Variants in HECTD2 observed in about 807,000 individuals in gnomAD.
The protein encoded by HECTD2 is HECT domain E3 ubiquitin protein ligase 2.
HECTD2 carries 35 observed loss-of-function variants against 103.2 expected under a neutral mutation model. That is an observed-to-expected ratio of 0.34 (90% CI 0.26 to 0.45). The LOEUF (loss-of-function observed/expected upper bound fraction) is 0.45. Ranked by LOEUF, HECTD2 falls within the 20% of genes least tolerant of loss-of-function variation. HECTD2 has a pLI of 1.00. For missense variants in HECTD2, 596 were observed against 937.4 expected (o/e 0.64, Z 4.76); for synonymous variants, 281 against 329.9 (o/e 0.85, Z 1.61).
intron 2 of HECTD2, among the ~76,000 whole-genome samples, chr10:91,459,544 A>G (rs1044541935): frequency 6.6e-6 from 1 of 152,222 alleles, no homozygotes; most frequent in East Asian, 1.9e-4. Flanking sequence ...CCAGAAAATT[A>G]TGCTAACTAA....
At chr10:91,455,369 TC>T (rs1409076144) in intron 2 of HECTD2, among the ~76,000 whole-genome samples, 2 of 152,224 alleles carry the variant, frequency 1.3e-5, no homozygotes, top group Non-Finnish European at 2.9e-5. Context: ...ATAAATGTCT[TC>T]TTTTGAGAAG....
intron 18 of HECTD2, among the ~76,000 whole-genome samples, chr10:91,499,764 A>C (rs1164240723): frequency 6.6e-6 from 1 of 152,130 alleles, no homozygotes; most frequent in African/African-American, 2.4e-5. Context: ...CCTTAGTTTC[A>C]TTATGAGGGA....
chr10:91,460,558 G>A lies in HECTD2; in HGVS notation c.400G>A (p.Asp134Asn). ...TCCTATCCAGCCCAAAACTGTGAAA[G>A]ACTTTCAGTAAGTTTCAGCTATTAT... ...ILPIQPKTVK[D>N]FQEDVEKVKS... Residue 134 changes from aspartate to asparagine, a missense_variant, in exon 3 of 21, where the codon GAC (aspartate) becomes AAC (asparagine). Asp to Asn is a conservative substitution (Grantham distance 23). This residue lies in a region of HECTD2 where 220 missense variants were observed against 233.9 expected (regional missense o/e 0.94). Coordinates refer to ENST00000298068, the MANE Select transcript of HECTD2 (RefSeq NM_182765.6). The A allele has an allele frequency of 6.2e-7, 1 of 1,607,920 alleles. No homozygotes were observed. Among genetic ancestry groups the A allele is most frequent in the Non-Finnish European group, 8.5e-7 (1 of 1,177,910 alleles).
chr10:91,418,492 T>A (rs909019667), intron 1 of HECTD2, among the ~76,000 whole-genome samples: 6 of 152,118 alleles, frequency 3.9e-5, no homozygotes. Context: ...TTTCCTAGTC[T>A]CCATTTAAAG....
In HECTD2 at chr10:91,487,751, A is replaced by G; in HGVS notation, c.1164A>G (p.Ser388=). The G allele has an allele frequency of 6.2e-7, 1 of 1,609,304 alleles. No individual in the cohort carries two copies. The highest frequency in any genetic ancestry group is 2.2e-5 in the East Asian group (1 of 44,754). Residue 388 remains serine (S), a synonymous_variant, in exon 11 of 21, where the codon TCA becomes TCG. Transcript: ENST00000298068. The surrounding 1 kb of genome is among the most constrained non-coding windows in gnomAD (Gnocchi z 4.1). ...AAKKIIIQRD[S]EQQMINIARQ... ...AAAAAATCATTATTCAGAGAGACTC[A>G]GAGCAACAGATGATAAACATCGCAA... is the stretch of plus-strand genomic sequence containing the variant.
At chr10:91,484,335 C>G in intron 8 of HECTD2, 172 bp from the exon 9 acceptor site, 1 of 1,369,538 alleles carries the variant, frequency 7.3e-7, no homozygotes, top group Non-Finnish European at 9.9e-7. Context: ...TTAACGAAGA[C>G]AGTATTCAAG....
intron 2 of HECTD2, among the ~76,000 whole-genome samples, chr10:91,426,943 G>T (rs1030320277): frequency 6.7e-6 from 1 of 149,832 alleles, no homozygotes; most frequent in African/African-American, 2.5e-5. Flanking sequence ...CTGGTGTGCT[G>T]TACCCATTAA....
At chr10:91,506,284 TG>T (rs1167598830) in intron 20 of HECTD2, among the ~76,000 whole-genome samples, 5 of 151,922 alleles carry the variant, frequency 3.3e-5, no homozygotes, top group Non-Finnish European at 7.4e-5. Flanking sequence ...AGAGCAGAAC[TG>T]AAGGAAATAG....
At chr10:91,424,028 G>T (rs981870461) in intron 1 of HECTD2, among the ~76,000 whole-genome samples, 4 of 152,198 alleles carry the variant, frequency 2.6e-5, no homozygotes, top group African/African-American at 7.2e-5. Context: ...AACTATTAAG[G>T]TTTATTATTG....
At chr10:91,485,152 G>A in intron 9 of HECTD2, 28 bp from the exon 10 acceptor site, 1 of 1,469,660 alleles carries the variant, frequency 6.8e-7, no homozygotes, top group East Asian at 2.5e-5. Flanking sequence ...GTTGGAAAAA[G>A]TCTTTATGTT....
intron 10 of HECTD2, 72 bp downstream of exon 10, chr10:91,485,375 T>A: frequency 8.5e-7 from 1 of 1,173,790 alleles, no homozygotes; most frequent in Non-Finnish European, 1.2e-6. Context: ...GAGTTTAAGT[T>A]TATATGAAGT....
chr10:91,423,109 T>G (rs1485816226), intron 1 of HECTD2, among the ~76,000 whole-genome samples: 1 of 152,132 alleles, frequency 6.6e-6, no homozygotes, highest in Non-Finnish European at 1.5e-5. Context: ...CACAAAGGGT[T>G]GTTGTGAAAA....
In HECTD2 at chr10:91,487,439, A is replaced by C. The variant is rs372553714; in HGVS notation, c.1095-243A>C. 3.5e-5 allele frequency: 17 copies of C among 487,310 alleles called. No individual in the cohort carries two copies. Among genetic ancestry groups the C allele is most frequent in the African/African-American group, 2.9e-4 (15 of 51,262 alleles). 30.2% of individuals were successfully genotyped at this position (487,310 alleles called of 1,614,324 possible). A position where few individuals can be genotyped will look rare whatever the true frequency, so the allele number is the denominator to read the frequency against. ...TATAGACAATGTAAGTGGTTAGCACACATTCAGAACCTTTGATGTAGCTTC... is the reference window on the plus strand; with the variant it reads ...TATAGACAATGTAAGTGGTTAGCACCCATTCAGAACCTTTGATGTAGCTTC... On this transcript the variant is annotated intron_variant, in intron 10 of 20. Coordinates refer to ENST00000298068, the MANE Select transcript of HECTD2 (RefSeq NM_182765.6). The surrounding 1 kb of genome is among the most constrained non-coding windows in gnomAD (Gnocchi z 4.1).
chr10:91,413,657 A>G (rs1389129422), intron 1 of HECTD2, among the ~76,000 whole-genome samples: 5 of 152,178 alleles, frequency 3.3e-5, no homozygotes, highest in Non-Finnish European at 7.4e-5. Context: ...AGGAATCTGT[A>G]TTTTTTAATT....
At chr10:91,430,712 T>C (rs966132525) in intron 2 of HECTD2, among the ~76,000 whole-genome samples, 5 of 152,148 alleles carry the variant, frequency 3.3e-5, no homozygotes, top group South Asian at 4.1e-4. Context: ...CTCTGCCTTT[T>C]TTTGTTTTCC....
Position 91,460,462 on chromosome 10 carries a change from CA to C in HECTD2, c.309del (p.Lys103AsnfsTer13). On this transcript the variant is annotated frameshift_variant, in exon 3 of 21. Coordinates refer to ENST00000298068, the MANE Select transcript of HECTD2 (RefSeq NM_182765.6). LOFTEE classifies it high-confidence loss of function. ...ACCACCAATTTGCCTTGATGTTAGACAAAAACAGCGTACATCTATGGATGCA... is the reference window on the plus strand; with the variant it reads ...ACCACCAATTTGCCTTGATGTTAGACAAAACAGCGTACATCTATGGATGCA... ...EPPPICLDVR[Q>X]KQRTSMDASS... 6.2e-7 allele frequency: 1 copy of C among 1,610,636 alleles called. No homozygotes were observed. The highest frequency in any genetic ancestry group is 8.5e-7 in the Non-Finnish European group (1 of 1,178,278).
At chr10:91,434,065 A>T (rs1221706749) in intron 2 of HECTD2, among the ~76,000 whole-genome samples, 1 of 152,006 alleles carries the variant, frequency 6.6e-6, no homozygotes, top group Non-Finnish European at 1.5e-5. Context: ...ACATCATTGA[A>T]CTTAGTAAAA....
At chr10:91,436,777 G>T (rs541514364) in intron 2 of HECTD2, among the ~76,000 whole-genome samples, 1 of 151,946 alleles carries the variant, frequency 6.6e-6, no homozygotes, top group Non-Finnish European at 1.5e-5. Context: ...GTATAAATCA[G>T]TTACTTTGTG....
chr10:91,465,191 G>A (rs567344693), intron 5 of HECTD2, among the ~76,000 whole-genome samples: 15 of 152,272 alleles, frequency 9.9e-5, no homozygotes, highest in Admixed American at 9.2e-4. Context: ...ATGTTGCTGG[G>A]AGTCAGGTTT....
Sources: gnomAD v4.1 joint callset for allele counts (sites outside exome capture counted in the v4.1 genomes callset) on GRCh38, gnomAD v4.1.1 for gene constraint, gnomAD v4.1.1 regional missense constraint, Gnocchi (gnomAD v3.1) non-coding constraint, MANE v1.5 for transcripts, NCBI Gene and HGNC (gene_info 2026-07-23, HGNC 2026-07-21) for gene names.